TRAK2: variants seen among roughly 807,000 people sequenced by gnomAD.
The protein encoded by TRAK2 is trafficking kinesin protein 2.
Under a neutral mutation model 104.6 loss-of-function variants are expected in TRAK2, and 81 were observed. That is an observed-to-expected ratio of 0.77 (90% CI 0.65 to 0.93). The LOEUF is 0.93. Among genes scored for constraint, TRAK2 ranks in the 40% least tolerant of loss-of-function variants. The pLI is 0.00. For synonymous variants in TRAK2, 406 were observed against 394.4 expected, an observed-to-expected ratio of 1.03 and a Z score of -0.35; for missense variants, 1,002 against 1,089.0, an observed-to-expected ratio of 0.92 and a Z score of 1.12.
chr2:201,420,735 C>A, intron 1 of TRAK2, 29 bp from the exon 2 acceptor site: 1 of 416,028 alleles, frequency 2.4e-6, no homozygotes, highest in Non-Finnish European at 4.3e-6. Context: ...GTGACTAGAA[C>A]TCAGCATGCT....
At chr2:201,383,197 C>T (rs1221699175) in intron 15 of TRAK2, among the ~76,000 whole-genome samples, 2 of 152,310 alleles carry the variant, frequency 1.3e-5, no homozygotes, top group East Asian at 3.9e-4. Context: ...ATAATTTGGC[C>T]TTGCCCAGAG....
chr2:201,410,171 G>A (rs1379475516), intron 2 of TRAK2, among the ~76,000 whole-genome samples: 1 of 152,070 alleles, frequency 6.6e-6, no homozygotes, highest in Non-Finnish European at 1.5e-5. Context: ...GCGTGGTGGC[G>A]GGCGCCTGCA....
At chr2:201,416,637 A>T (rs1951693941) in intron 2 of TRAK2, among the ~76,000 whole-genome samples, 1 of 152,186 alleles carries the variant, frequency 6.6e-6, no homozygotes, top group South Asian at 2.1e-4. Context: ...GTAATAATGT[A>T]TTATGTATAT....
rs554374373 is a variant in TRAK2, at chr2:201,427,187, C to A, written c.-199-6481G>T. ...AGATGATGTCTTCTGTCTAATATTT[C>A]TTTTTTATTAAGTTCTAGGGTACAT... is the stretch of plus-strand genomic sequence containing the variant. On this transcript the variant is annotated intron_variant, in intron 1 of 15. Coordinates refer to ENST00000332624, the MANE Select transcript of TRAK2 (RefSeq NM_015049.3). Among the ~76,000 whole-genome samples the A allele has an allele frequency of 3.3e-5, 5 of 152,136 alleles. No individual in the cohort carries two copies. In the South Asian group the frequency reaches 1.0e-3, roughly 32 times the overall value.
At chr2:201,400,782 G>C in intron 4 of TRAK2, among the ~76,000 whole-genome samples, 1 of 151,898 alleles carries the variant, frequency 6.6e-6, no homozygotes, top group Non-Finnish European at 1.5e-5. Context: ...TTCTAGGAAG[G>C]GGAGGCAAGT....
At chr2:201,431,760 T>A (rs1000195905) in intron 1 of TRAK2, among the ~76,000 whole-genome samples, 1 of 152,214 alleles carries the variant, frequency 6.6e-6, no homozygotes, top group African/African-American at 2.4e-5. Flanking sequence ...CCTACCTCAG[T>A]GGTTAAGAAT....
Position 201,395,443 on chromosome 2 carries a change from A to C in TRAK2, c.771T>G (p.Arg257=), listed in dbSNP as rs1216326947. 9 of 1,511,832 alleles carry C rather than the reference A, an allele frequency of 6.0e-6. No homozygotes were observed. The Admixed American group carries it at 1.7e-4, about 29-fold the overall frequency. 93.7% of individuals were successfully genotyped at this position (1,511,832 alleles called of 1,614,324 possible). The change falls in exon 8 of 16, where the codon CGT becomes CGG. Residue 257 remains arginine, a splice_region_variant and synonymous_variant. Transcript: ENST00000332624. ...QLVSDCVKEL[R]ETNAQMSRMT... ...TTCTGGACATCTGAGCATTTGTTTC[A>C]CCTTGGAAGCAAAAAAAATTTTTTT...
At chr2:201,395,192 T>C in intron 8 of TRAK2, 122 bp downstream of exon 8, 1 of 782,666 alleles carries the variant, frequency 1.3e-6, no homozygotes, top group East Asian at 2.6e-5. Flanking sequence ...AGCAATCAGA[T>C]TAGGGCATTT....
intron 4 of TRAK2, among the ~76,000 whole-genome samples, chr2:201,400,746 T>C (rs1951543707): frequency 6.6e-6 from 1 of 152,068 alleles, no homozygotes; most frequent in African/African-American, 2.4e-5. Context: ...TATTTTAAAA[T>C]GATTTTTTTT....
chr2:201,397,657 A>T (rs983639113), intron 6 of TRAK2, 77 bp from the exon 7 acceptor site: 47 of 1,042,280 alleles, frequency 4.5e-5, no homozygotes, highest in Non-Finnish European at 6.7e-5. Flanking sequence ...TTTAATTCTC[A>T]TTTGAAGACT....
At chr2:201,400,467 G>T (rs551009163) in intron 4 of TRAK2, among the ~76,000 whole-genome samples, 1 of 152,048 alleles carries the variant, frequency 6.6e-6, no homozygotes, top group South Asian at 2.1e-4. Context: ...CTGGAGAGCT[G>T]GGGGGAGAGG....
At chr2:201,443,836 G>A (rs985869054) in intron 1 of TRAK2, among the ~76,000 whole-genome samples, 6 of 152,134 alleles carry the variant, frequency 3.9e-5, no homozygotes, top group Admixed American at 3.9e-4. Flanking sequence ...CTTAATCATG[G>A]CCTTAAACAG....
intron 12 of TRAK2, 171 bp from the exon 13 acceptor site, chr2:201,388,172 A>G: frequency 2.9e-6 from 2 of 694,828 alleles, no homozygotes; most frequent in Non-Finnish European, 2.6e-6. Context: ...CAACAACACT[A>G]TATATCATTT....
chr2:201,411,236 C>G lies in TRAK2; in HGVS notation c.92-3639G>C. On this transcript the variant is annotated intron_variant, in intron 2 of 15. Coordinates refer to ENST00000332624, the MANE Select transcript of TRAK2 (RefSeq NM_015049.3). The stretch of plus-strand genomic sequence containing the variant: ...TGTACACTTGGGGTTTAAGAGGCTG[C>G]TGGCCTTTCAACTTCTATGCCTGCT... 3 of 723,256 alleles carry G rather than the reference C, an allele frequency of 4.1e-6. No individual in the cohort carries two copies. In the South Asian group the frequency reaches 4.6e-5, roughly 11 times the overall value. 44.8% of individuals were successfully genotyped at this position (723,256 alleles called of 1,614,324 possible). A position where few individuals can be genotyped will look rare whatever the true frequency, so the allele number is the denominator to read the frequency against.
intron 1 of TRAK2, among the ~76,000 whole-genome samples, chr2:201,426,273 C>T (rs1029879334): frequency 2.6e-5 from 4 of 152,172 alleles, no homozygotes; most frequent in Non-Finnish European, 5.9e-5. Flanking sequence ...GTGAACTGCG[C>T]GTGCGAGGGA....
chr2:201,413,120 C>G, intron 2 of TRAK2: 4 of 1,146,122 alleles, frequency 3.5e-6, no homozygotes, highest in Non-Finnish European at 5.2e-6. Context: ...TTATCAAAGA[C>G]AAAAACAGCC....
intron 10 of TRAK2, among the ~76,000 whole-genome samples, chr2:201,390,529 A>G (rs1951437317): frequency 2.1e-5 from 3 of 145,048 alleles, no homozygotes; most frequent in African/African-American, 7.6e-5. Context: ...GCACCACTGC[A>G]CTCCAGTCTG....
chr2:201,440,807 T>A (rs979003864), intron 1 of TRAK2, among the ~76,000 whole-genome samples: 1 of 152,226 alleles, frequency 6.6e-6, no homozygotes, highest in African/African-American at 2.4e-5. Context: ...AGTCTGATTT[T>A]TCACACAAAA....
intron 1 of TRAK2, among the ~76,000 whole-genome samples, chr2:201,428,456 T>C (rs185544178): frequency 3.9e-5 from 6 of 152,342 alleles, no homozygotes; most frequent in Admixed American, 3.3e-4. Context: ...TTTTGTCAGG[T>C]TTGTCAAAGA....
Sources: allele counts gnomAD v4.1 joint callset (sites outside exome capture counted in the v4.1 genomes callset), GRCh38; gene constraint gnomAD v4.1.1; transcripts MANE v1.5; gene names NCBI Gene and HGNC (gene_info 2026-07-23, HGNC 2026-07-21).